The following CAMK2D variants were observed in gnomAD, a reference collection of about 807,000 sequenced individuals.
CAMK2D encodes the protein calcium/calmodulin-dependent protein kinase type II subunit delta.
CAMK2D carries 37 observed loss-of-function variants against 84.0 expected under a neutral mutation model. The ratio of observed to expected loss-of-function variants is 0.44; its 90% confidence interval spans 0.34 to 0.58. CAMK2D has a LOEUF of 0.58. Ranked by LOEUF, CAMK2D falls within the 20% of genes least tolerant of loss-of-function variation. CAMK2D has a pLI of 0.02. For synonymous variants in CAMK2D, 202 were observed against 212.5 expected (o/e 0.95, Z 0.43); for missense variants, 448 against 652.5 (o/e 0.69, Z 3.41).
chr4:113,759,575 AT>A (rs1186230675), intron 1 of CAMK2D, among the ~76,000 whole-genome samples, 161 bp from the exon 2 acceptor site: 5 of 152,240 alleles, frequency 3.3e-5, no homozygotes, highest in African/African-American at 9.6e-5. Flanking sequence ...ACTTTCTTTA[AT>A]GTTGAAGAAT....
At chr4:113,694,916 GTTCT>G (rs2099398363) in intron 2 of CAMK2D, among the ~76,000 whole-genome samples, 1 of 152,126 alleles carries the variant, frequency 6.6e-6, no homozygotes, top group African/African-American at 2.4e-5. Flanking sequence ...GGTACACAGT[GTTCT>G]TTAAGTGTTT....
At chr4:113,718,354 T>C (rs896736204) in intron 2 of CAMK2D, among the ~76,000 whole-genome samples, 1 of 151,842 alleles carries the variant, frequency 6.6e-6, no homozygotes, top group South Asian at 2.1e-4. Context: ...TCACAGGGAG[T>C]TGAAGCTGTC....
chr4:113,620,604 T>C (rs1173676630), intron 3 of CAMK2D, among the ~76,000 whole-genome samples: 2 of 150,604 alleles, frequency 1.3e-5, no homozygotes, highest in Non-Finnish European at 3.0e-5. Context: ...GCCTCCCAGG[T>C]TCAAGCAATT....
chr4:113,619,886 C>T (rs2099037871), intron 3 of CAMK2D, among the ~76,000 whole-genome samples: 1 of 151,950 alleles, frequency 6.6e-6, no homozygotes, highest in African/African-American at 2.4e-5. Flanking sequence ...GGTAAGATTG[C>T]TGAAAGAGAG....
intron 2 of CAMK2D, among the ~76,000 whole-genome samples, chr4:113,676,452 C>G (rs187731882): frequency 1.3e-5 from 2 of 152,048 alleles, no homozygotes; most frequent in African/African-American, 4.8e-5. Flanking sequence ...TCCACTGACT[C>G]CTCCACTGTT....
intron 3 of CAMK2D, among the ~76,000 whole-genome samples, chr4:113,618,160 C>T (rs2099029718): frequency 6.6e-6 from 1 of 152,096 alleles, no homozygotes; most frequent in Non-Finnish European, 1.5e-5. Flanking sequence ...CAATACAAAG[C>T]TGAATATGAT....
At chr4:113,675,083 G>A (rs1181600692) in intron 2 of CAMK2D, among the ~76,000 whole-genome samples, 1 of 152,114 alleles carries the variant, frequency 6.6e-6, no homozygotes, top group African/African-American at 2.4e-5. Flanking sequence ...AATAGAAAAA[G>A]AAACTCTTCT....
intron 4 of CAMK2D, among the ~76,000 whole-genome samples, chr4:113,584,119 G>T (rs976841475): frequency 6.6e-6 from 1 of 152,168 alleles, no homozygotes; most frequent in African/African-American, 2.4e-5. Context: ...TCAGTAAAAG[G>T]TGTTTCTTAT....
At chr4:113,671,260 G>C (rs1170434896) in intron 2 of CAMK2D, among the ~76,000 whole-genome samples, 1 of 152,032 alleles carries the variant, frequency 6.6e-6, no homozygotes, top group African/African-American at 2.4e-5. Context: ...AAGAATAAAG[G>C]GAATGAAATG....
intron 2 of CAMK2D, among the ~76,000 whole-genome samples, chr4:113,700,248 T>C (rs1488961299): frequency 6.6e-6 from 1 of 152,234 alleles, no homozygotes; most frequent in Non-Finnish European, 1.5e-5. Context: ...TTGTATATTG[T>C]CCATCTTTAC....
At position 113,663,069 on chromosome 4, in the gene CAMK2D, TACAA is replaced by T. The variant is rs540584053; in HGVS notation, c.161-1301_161-1298del. On this transcript the variant is annotated intron_variant, in intron 2 of 20. Transcript: ENST00000511664. ...TCTCCATTATATCTGGATTCCCAAA[TACAA>T]AGATAGATACTCTCTGGACCTACCA... Among the ~76,000 whole-genome samples, 243 of 152,276 alleles carry T rather than the reference TACAA, an allele frequency of 1.6e-3. 1 individual carries two copies. The highest frequency in any genetic ancestry group is 3.4e-3 in the Middle Eastern group (1 of 294).
At chr4:113,759,531 T>G (rs2099635933) in intron 1 of CAMK2D, 117 bp from the exon 2 acceptor site, 3 of 500,868 alleles carry the variant, frequency 6.0e-6, no homozygotes, top group Non-Finnish European at 1.0e-5. Flanking sequence ...TACAGTAATA[T>G]CCAGTAAATG....
chr4:113,719,929 T>C (rs1352511484), intron 2 of CAMK2D, among the ~76,000 whole-genome samples: 1 of 152,144 alleles, frequency 6.6e-6, no homozygotes, highest in Admixed American at 6.6e-5. Context: ...CTTAGCTAAG[T>C]AGCTTGAAGT....
intron 3 of CAMK2D, among the ~76,000 whole-genome samples, chr4:113,617,885 G>T (rs565745335): frequency 7.0e-6 from 1 of 143,558 alleles, no homozygotes; most frequent in African/African-American, 2.6e-5. Flanking sequence ...GGTAACTATT[G>T]CTTTGTGAAA....
At chr4:113,523,417 A>T (rs1283441569) in intron 8 of CAMK2D, among the ~76,000 whole-genome samples, 1 of 151,912 alleles carries the variant, frequency 6.6e-6, no homozygotes, top group Non-Finnish European at 1.5e-5. Context: ...TGCTAAAAAT[A>T]CCTAACATTA....
At chr4:113,548,567 G>A (rs930136109) in intron 5 of CAMK2D, 2 of 622,962 alleles carry the variant, frequency 3.2e-6, no homozygotes, top group Non-Finnish European at 5.7e-6. Context: ...GAAAGGCAAG[G>A]GAACCATTTT....
At chr4:113,760,251 G>GA (rs956104875) in intron 1 of CAMK2D, among the ~76,000 whole-genome samples, 2 of 152,124 alleles carry the variant, frequency 1.3e-5, no homozygotes, top group African/African-American at 4.8e-5. Flanking sequence ...TCGGGTGAAG[G>GA]AGGTGGTTTT....
intron 13 of CAMK2D, among the ~76,000 whole-genome samples, chr4:113,506,452 C>CT (rs968842815): frequency 1.1e-4 from 16 of 151,776 alleles, no homozygotes; most frequent in East Asian, 1.9e-4. Flanking sequence ...TAGTTAAAAC[C>CT]TTTTTTTTCC....
intron 4 of CAMK2D, among the ~76,000 whole-genome samples, chr4:113,561,169 G>T (rs1201641702): frequency 6.6e-6 from 1 of 152,102 alleles, no homozygotes; most frequent in African/African-American, 2.4e-5. Context: ...CAATATTCAG[G>T]ATATATTTTA....
Sources: gnomAD v4.1 joint callset for allele counts (sites outside exome capture counted in the v4.1 genomes callset) on GRCh38, gnomAD v4.1.1 for gene constraint, MANE v1.5 for transcripts, NCBI Gene and HGNC (gene_info 2026-07-23, HGNC 2026-07-21) for gene names.